Variants in NTNG1 observed in about 807,000 individuals in gnomAD.
The protein encoded by NTNG1 is netrin G1.
In NTNG1, 16 loss-of-function variants were observed where a neutral mutation model predicts 54.0. The observed-to-expected ratio is 0.30, with a 90% CI of 0.20 to 0.45. The LOEUF is 0.45. Ranked by LOEUF, NTNG1 falls within the 20% of genes least tolerant of loss-of-function variation. NTNG1 has a pLI of 1.00. For missense variants in NTNG1, 530 were observed against 678.7 expected (o/e 0.78, Z 2.43); for synonymous variants, 255 against 263.1 (o/e 0.97, Z 0.30).
intron 2 of NTNG1, among the ~76,000 whole-genome samples, chr1:107,245,913 T>C (rs543755999): frequency 6.6e-6 from 1 of 152,366 alleles, no homozygotes; most frequent in South Asian, 2.1e-4. Flanking sequence ...TACTAGGTGG[T>C]CAATAAATGA....
At chr1:107,403,201 A>T (rs1673154592) in intron 4 of NTNG1, among the ~76,000 whole-genome samples, 1 of 152,142 alleles carries the variant, frequency 6.6e-6, no homozygotes, top group African/African-American at 2.4e-5. Flanking sequence ...AATATCTTTA[A>T]AACAAACGTA....
At chr1:107,224,589 C>T (rs1029482192) in intron 2 of NTNG1, among the ~76,000 whole-genome samples, 2 of 152,074 alleles carry the variant, frequency 1.3e-5, no homozygotes, top group Non-Finnish European at 2.9e-5. Flanking sequence ...ATTTGAGTAG[C>T]TTCTTTTGTG....
At chr1:107,388,931 G>A (rs1335959948) in intron 3 of NTNG1, among the ~76,000 whole-genome samples, 4 of 151,660 alleles carry the variant, frequency 2.6e-5, no homozygotes, top group Non-Finnish European at 5.9e-5. Flanking sequence ...CAATATTTGT[G>A]CTAACACGTT....
At chr1:107,397,313 T>C (rs899484584) in intron 4 of NTNG1, among the ~76,000 whole-genome samples, 5 of 152,208 alleles carry the variant, frequency 3.3e-5, no homozygotes, top group African/African-American at 4.8e-5. Flanking sequence ...TGAAGGGTTT[T>C]AGAAACTATC....
At chr1:107,423,463 G>A (rs1674697980) in intron 5 of NTNG1, among the ~76,000 whole-genome samples, 1 of 152,050 alleles carries the variant, frequency 6.6e-6, no homozygotes, top group African/African-American at 2.4e-5. Context: ...TGCCAAGGTT[G>A]AGAAACCCCA....
intron 3 of NTNG1, among the ~76,000 whole-genome samples, chr1:107,358,774 C>T (rs1670090842): frequency 1.3e-5 from 2 of 152,062 alleles, no homozygotes; most frequent in South Asian, 2.1e-4. Flanking sequence ...ACATTACAAA[C>T]ATGCCATAAC....
chr1:107,412,551 T>C (rs1276205112), intron 5 of NTNG1, among the ~76,000 whole-genome samples: 1 of 152,178 alleles, frequency 6.6e-6, no homozygotes, highest in Non-Finnish European at 1.5e-5. Flanking sequence ...TACCCTAGAT[T>C]TTTTCCAATC....
intron 1 of NTNG1, among the ~76,000 whole-genome samples, chr1:107,145,742 C>T (rs905843903): frequency 5.9e-5 from 9 of 152,046 alleles, no homozygotes; most frequent in African/African-American, 2.2e-4. Flanking sequence ...GTTGCACAGT[C>T]CTGCAACTGC....
At chr1:107,182,355 C>G (rs941220758) in intron 2 of NTNG1, among the ~76,000 whole-genome samples, 3 of 152,026 alleles carry the variant, frequency 2.0e-5, no homozygotes, top group Non-Finnish European at 2.9e-5. Context: ...ATTCTTCCCC[C>G]CTTGATGGTC....
intron 5 of NTNG1, among the ~76,000 whole-genome samples, chr1:107,429,645 A>G (rs542358529): frequency 1.3e-5 from 2 of 152,258 alleles, no homozygotes; most frequent in South Asian, 4.1e-4. Flanking sequence ...TTTTTAAACA[A>G]ACAAAATTTG....
At chr1:107,220,700 A>C (rs1006147564) in intron 2 of NTNG1, among the ~76,000 whole-genome samples, 3 of 152,212 alleles carry the variant, frequency 2.0e-5, no homozygotes, top group African/African-American at 7.2e-5. Context: ...AACTGATTTA[A>C]AGGAATTAGA....
intron 2 of NTNG1, among the ~76,000 whole-genome samples, chr1:107,274,848 T>C (rs932007443): frequency 2.6e-5 from 4 of 152,202 alleles, no homozygotes; most frequent in Admixed American, 6.5e-5. Flanking sequence ...AGATTATCTA[T>C]AATGGTTGCA....
intron 2 of NTNG1, among the ~76,000 whole-genome samples, chr1:107,160,910 T>G (rs1279440817): frequency 6.6e-6 from 1 of 152,086 alleles, no homozygotes; most frequent in Non-Finnish European, 1.5e-5. Context: ...AAATGCATCC[T>G]CTGAATTTTT....
intron 3 of NTNG1, among the ~76,000 whole-genome samples, chr1:107,377,880 T>C (rs1460436326): frequency 6.6e-6 from 1 of 152,208 alleles, no homozygotes; most frequent in Admixed American, 6.5e-5. Flanking sequence ...TTTCACAGGA[T>C]CAGGGCATTC....
intron 2 of NTNG1, among the ~76,000 whole-genome samples, chr1:107,243,451 C>T (rs1034469028): frequency 6.6e-6 from 1 of 152,212 alleles, no homozygotes. Flanking sequence ...AGTCCCACCA[C>T]TGTTAAATGC....
intron 2 of NTNG1, among the ~76,000 whole-genome samples, chr1:107,314,239 C>T (rs1347380353): frequency 6.6e-6 from 1 of 151,860 alleles, no homozygotes; most frequent in Non-Finnish European, 1.5e-5. Context: ...CCCGTCTCTA[C>T]TAAAAATAGA....
At chr1:107,359,097 G>T (rs1348608990) in intron 3 of NTNG1, among the ~76,000 whole-genome samples, 1 of 152,206 alleles carries the variant, frequency 6.6e-6, no homozygotes, top group African/African-American at 2.4e-5. Flanking sequence ...GCTCCTAGAT[G>T]CCAGTAGAGC....
intron 5 of NTNG1, among the ~76,000 whole-genome samples, chr1:107,428,341 A>G (rs1049811252): frequency 2.0e-5 from 3 of 151,948 alleles, no homozygotes; most frequent in African/African-American, 7.2e-5. Context: ...GCTTTATGTC[A>G]CTGTTTTTTC....
intron 7 of NTNG1, among the ~76,000 whole-genome samples, chr1:107,468,603 T>C (rs1171015085): frequency 1.3e-5 from 2 of 152,218 alleles, no homozygotes. Flanking sequence ...TAATGGTTTC[T>C]CACCTCGGCT....
Sources: allele counts gnomAD v4.1 joint callset (sites outside exome capture counted in the v4.1 genomes callset), GRCh38; gene constraint gnomAD v4.1.1; transcripts MANE v1.5; gene names NCBI Gene and HGNC (gene_info 2026-07-23, HGNC 2026-07-21).